FRY: variants seen among roughly 807,000 people sequenced by gnomAD.
FRY encodes the protein protein furry homolog.
A neutral mutation model predicts 348.4 loss-of-function variants in FRY; 128 were observed. The ratio of observed to expected loss-of-function variants is 0.37; its 90% CI spans 0.32 to 0.43. The LOEUF (loss-of-function observed/expected upper bound fraction) is 0.43, where lower values mean the gene tolerates loss of function less well. Ranked by LOEUF, FRY falls within the 20% of genes least tolerant of loss-of-function variation. The pLI, the probability that FRY is intolerant of heterozygous loss-of-function variation, is 1.00. For missense variants in FRY, 2,736 were observed against 3,695.2 expected (o/e 0.74, Z 6.73); for synonymous variants, 1,370 against 1,374.7 (o/e 1.00, Z 0.08).
At position 32,171,048 on chromosome 13, in the gene FRY, T is replaced by C. The variant is rs745380568; in HGVS notation, c.1929T>C (p.Ile643=). 1 of 1,611,106 alleles carries C rather than the reference T, an allele frequency of 6.2e-7. No individual in the cohort carries two copies. Among genetic ancestry groups the C allele is most frequent in the East Asian group, 2.2e-5 (1 of 44,860 alleles). Residue 643 remains isoleucine (I), a synonymous_variant, in exon 18 of 61, where the codon ATT becomes ATC. Transcript: ENST00000542859. ...SIHMDDELRH[I]AQNSLQGLLV... is the part of the protein sequence containing the mutation. ...ATATGGATGATGAATTGCGACATAT[T>C]GCACAAAATTCTCTTCAGGGTTTAC...
In FRY at chr13:32,147,198, C is replaced by T; in HGVS notation, c.1180-84C>T. The T allele has an allele frequency of 3.6e-6, 3 of 825,526 alleles. No homozygotes were observed. In the South Asian group the frequency reaches 4.2e-5, roughly 12 times the overall value. The allele number at this position is 825,526 out of a possible 1,614,324, so 51.1% of individuals were successfully genotyped here. ...GCCATCCACCTGGAGCTTGCCTTTT[C>T]CAGGCCTGCAGATAAGAGCCATCTC... On this transcript the variant is annotated intron_variant, in intron 11 of 60. Coordinates refer to ENST00000542859, the MANE Select transcript of FRY (RefSeq NM_023037.3).
chr13:32,093,180 TA>T lies in FRY; in HGVS notation c.271-8776del, dbSNP rs895236939. Among the ~76,000 whole-genome samples the T allele has an allele frequency of 5.3e-5, 8 of 152,160 alleles. No homozygotes were observed. In the East Asian group the frequency reaches 5.8e-4, roughly 11 times the overall value. ...CTCTAAGCATTTCCATATGTATCTC[TA>T]AAAAAATTCTTCTCTAAACAAAACT... On this transcript the variant is annotated intron_variant, in intron 2 of 60. Coordinates refer to ENST00000542859, the MANE Select transcript of FRY (RefSeq NM_023037.3).
At chr13:32,116,569 T>C (rs1326684269) in intron 3 of FRY, among the ~76,000 whole-genome samples, 2 of 152,210 alleles carry the variant, frequency 1.3e-5, no homozygotes, top group African/African-American at 4.8e-5. Flanking sequence ...GGTTTTATCC[T>C]ATGTTTTCTT....
At chr13:32,192,431 G>C (rs1331665993) in intron 28 of FRY, among the ~76,000 whole-genome samples, 3 of 152,072 alleles carry the variant, frequency 2.0e-5, no homozygotes, top group African/African-American at 7.2e-5. Context: ...TCCCGCCTCA[G>C]CCTCCTGAGT....
intron 1 of FRY, among the ~76,000 whole-genome samples, chr13:32,068,464 G>C (rs1289622017): frequency 2.0e-5 from 3 of 152,192 alleles, no homozygotes; most frequent in Non-Finnish European, 4.4e-5. Flanking sequence ...GATCTTGGCA[G>C]ACATTCTTTC....
At chr13:32,082,195 CTT>C (rs1269529853) in intron 2 of FRY, among the ~76,000 whole-genome samples, 1 of 143,016 alleles carries the variant, frequency 7.0e-6, no homozygotes, top group African/African-American at 2.6e-5. Context: ...TTATTTATGA[CTT>C]TGCAATATCC....
chr13:32,135,269 G>T, intron 10 of FRY, 86 bp downstream of exon 10: 2 of 832,874 alleles, frequency 2.4e-6, no homozygotes, highest in South Asian at 2.8e-5. Context: ...GGATCCTAAG[G>T]ACTCCACAGA....
At chr13:32,126,376 G>A (rs1329131748) in intron 7 of FRY, among the ~76,000 whole-genome samples, 2 of 152,216 alleles carry the variant, frequency 1.3e-5, no homozygotes, top group Non-Finnish European at 2.9e-5. Context: ...AGTTGGTTGT[G>A]AATAAGTTGA....
chr13:32,207,963 G>A (rs7337389), intron 31 of FRY, among the ~76,000 whole-genome samples: 4,093 of 152,240 alleles, frequency 0.027, 68 homozygotes, highest in Non-Finnish European at 0.034. Flanking sequence ...AGATTACATC[G>A]GAGCCTACTG....
At chr13:32,223,215 T>A (rs1229431628) in intron 36 of FRY, among the ~76,000 whole-genome samples, 1 of 151,868 alleles carries the variant, frequency 6.6e-6, no homozygotes, top group African/African-American at 2.4e-5. Context: ...GCCTTGGCCT[T>A]CCAAAGTGCT....
rs1380005589 is a variant in FRY at position 32,262,388 on chromosome 13, A to G, written c.7692A>G (p.Ala2564=). Residue 2564 remains alanine (A), a synonymous_variant, in exon 53 of 61, where the codon GCA becomes GCG. Coordinates refer to ENST00000542859, the MANE Select transcript of FRY (RefSeq NM_023037.3). ...LLTTACDSTP[A]EPHSFNTRMS... ...CCACAGCCTGTGACTCGACCCCTGC[A>G]GAACCTCATTCCTTTAACACCAGAA... 6.2e-7 allele frequency: 1 copy of G among 1,613,646 alleles called. No individual in the cohort carries two copies. Among genetic ancestry groups the G allele is most frequent in the Non-Finnish European group, 8.5e-7 (1 of 1,179,514 alleles).
chr13:32,242,515 A>G (rs994971311), intron 46 of FRY, among the ~76,000 whole-genome samples: 4 of 151,954 alleles, frequency 2.6e-5, no homozygotes, highest in African/African-American at 4.8e-5. Flanking sequence ...TTACATAATT[A>G]TTTACTCATG....
intron 28 of FRY, among the ~76,000 whole-genome samples, chr13:32,192,672 G>A (rs945174467): frequency 6.6e-6 from 1 of 150,866 alleles, no homozygotes; most frequent in Non-Finnish European, 1.5e-5. Context: ...CCAGAATCTT[G>A]CCTTTTCCAC....
intron 1 of FRY, among the ~76,000 whole-genome samples, chr13:32,069,338 A>G (rs1344992999): frequency 6.6e-6 from 1 of 152,150 alleles, no homozygotes; most frequent in African/African-American, 2.4e-5. Context: ...CTAAGGATAT[A>G]TTAGTCTTTC....
At chr13:32,060,056 T>C (rs1873853469) in intron 1 of FRY, among the ~76,000 whole-genome samples, 1 of 152,254 alleles carries the variant, frequency 6.6e-6, no homozygotes, top group Non-Finnish European at 1.5e-5. Context: ...CATGCTGTTT[T>C]GTAATTACAA....
chr13:32,084,288 C>T (rs1466344901), intron 2 of FRY, among the ~76,000 whole-genome samples: 1 of 152,178 alleles, frequency 6.6e-6, no homozygotes, highest in Non-Finnish European at 1.5e-5. Context: ...TGAATCTTCT[C>T]TAAATACAAC....
At position 32,233,552 on chromosome 13, in the gene FRY, G is replaced by A. The variant is rs147387475; in HGVS notation, c.5528-1022G>A. ...TTAAATTATGGCTGCCTTCTTCACA[G>A]TATCTACACTTCAATATCTGCATAT... On this transcript the variant is annotated intron_variant, in intron 41 of 60. Transcript: ENST00000542859. Among the ~76,000 whole-genome samples, 670 of 152,078 alleles carry A rather than the reference G, an allele frequency of 4.4e-3. 4 individuals are homozygous for A. The highest frequency in any genetic ancestry group is 0.016 in the African/African-American group (644 of 41,462).
rs757235673 is a variant in FRY, at chr13:32,274,921, A to T, written c.8216A>T (p.Lys2739Ile). Residue 2739 changes from lysine to isoleucine, a missense_variant, in exon 56 of 61, where the codon AAA becomes ATA. Lys to Ile is a moderately radical substitution (Grantham distance 102). Around this residue, in one of 9 missense-constraint regions of FRY, gnomAD observed 789 missense variants for 996.2 expected, o/e 0.79. Transcript: ENST00000542859. ...GATAACCTCCGGGGAATCGGATCCA[A>T]ATTTGTCAGCTCTTCCCAGATGCTC... ...LGDNLRGIGS[K>I]FVSSSQMLTS... The T allele has an allele frequency of 1.9e-6, 3 of 1,613,516 alleles. No individual in the cohort carries two copies. The highest frequency in any genetic ancestry group is 2.5e-6 in the Non-Finnish European group (3 of 1,179,590).
At chr13:32,078,748 A>T in intron 1 of FRY, 86 bp from the exon 2 acceptor site, 1 of 998,818 alleles carries the variant, frequency 1.0e-6, no homozygotes, top group Non-Finnish European at 1.6e-6. Context: ...TATGATTCAT[A>T]TCCTGATATT....
Sources: allele counts gnomAD v4.1 joint callset (sites outside exome capture counted in the v4.1 genomes callset), GRCh38; gene constraint gnomAD v4.1.1; regional missense constraint gnomAD v4.1.1; transcripts MANE v1.5; gene names NCBI Gene and HGNC (gene_info 2026-07-23, HGNC 2026-07-21).